The following TBC1D14 variants were observed in gnomAD, a reference collection of about 807,000 sequenced individuals.
TBC1D14 encodes the protein TBC1 domain family member 14.
Under a neutral mutation model 79.0 loss-of-function variants are expected in TBC1D14, and 26 were observed. The observed-to-expected ratio is 0.33, with a 90% CI of 0.24 to 0.46. The LOEUF is 0.46. Ranked by LOEUF, TBC1D14 falls within the 20% of genes least tolerant of loss-of-function variation. TBC1D14 has a pLI of 1.00. For synonymous variants in TBC1D14, 394 were observed against 349.9 expected (o/e 1.13, Z -1.40); for missense variants, 769 against 887.6 (o/e 0.87, Z 1.70).
chr4:6,987,521 A>G lies in TBC1D14; in HGVS notation c.844-6663A>G, dbSNP rs1560311971. ...AGCATCACGTGTATCTGTCCTCAAC[A>G]GCCGAAGCTTGCTGTGCATGCTGCT... On this transcript the variant is annotated intron_variant, in intron 3 of 13. Transcript: ENST00000409757. The G allele has an allele frequency of 2.7e-5, 14 of 525,518 alleles. No homozygotes were observed. In the East Asian group the frequency reaches 3.9e-4, roughly 15 times the overall value. 32.6% of individuals were successfully genotyped at this position (525,518 alleles called of 1,614,324 possible).
chr4:6,924,246 C>T (rs1023760538), intron 2 of TBC1D14, 135 bp downstream of exon 2: 38 of 1,235,636 alleles, frequency 3.1e-5, no homozygotes, highest in Non-Finnish European at 3.9e-5. Context: ...TGGGTCTTTT[C>T]CCAGAAGCCC....
intron 2 of TBC1D14, among the ~76,000 whole-genome samples, chr4:6,941,193 T>C: frequency 6.8e-6 from 1 of 147,124 alleles, no homozygotes; most frequent in African/African-American, 2.6e-5. Context: ...TTTTTTTTTT[T>C]TTTTTTTTTT....
intron 2 of TBC1D14, among the ~76,000 whole-genome samples, chr4:6,939,983 C>G (rs912946575): frequency 1.3e-5 from 2 of 152,234 alleles, no homozygotes; most frequent in Non-Finnish European, 2.9e-5. Flanking sequence ...AAATGGGCAC[C>G]AGCGGCCTGT....
chr4:7,001,544 C>T (rs118116451), intron 7 of TBC1D14: 2 of 334,268 alleles, frequency 6.0e-6, no homozygotes, highest in Non-Finnish European at 1.1e-5. Context: ...CCTAGGAAGG[C>T]AAGCCTTGCC....
At chr4:6,996,525 A>T in intron 5 of TBC1D14, 118 bp downstream of exon 5, 3 of 729,018 alleles carry the variant, frequency 4.1e-6, no homozygotes, top group Non-Finnish European at 6.7e-6. Flanking sequence ...TGAAATTTGT[A>T]GTCTTCCAGT....
At chr4:7,021,768 C>T (rs748967179) in intron 12 of TBC1D14, among the ~76,000 whole-genome samples, 1 of 151,932 alleles carries the variant, frequency 6.6e-6, no homozygotes, top group Admixed American at 6.6e-5. Context: ...AAAACGTAAA[C>T]ATCTTTTGGG....
At chr4:7,008,601 C>T (rs374566188) in intron 9 of TBC1D14, among the ~76,000 whole-genome samples, 3 of 152,116 alleles carry the variant, frequency 2.0e-5, no homozygotes, top group African/African-American at 7.2e-5. Context: ...TAGGGAGAGA[C>T]GGGTTTTCAC....
intron 1 of TBC1D14, among the ~76,000 whole-genome samples, chr4:6,916,680 C>T (rs1319827683): frequency 6.6e-6 from 1 of 152,184 alleles, no homozygotes; most frequent in African/African-American, 2.4e-5. Context: ...TTGCTTCCTG[C>T]AGAACTGAGT....
intron 12 of TBC1D14, among the ~76,000 whole-genome samples, chr4:7,022,779 A>G (rs994283940): frequency 6.6e-6 from 1 of 152,098 alleles, no homozygotes; most frequent in African/African-American, 2.4e-5. Flanking sequence ...TTACCTGTCT[A>G]GAGTAACTTA....
intron 3 of TBC1D14, among the ~76,000 whole-genome samples, chr4:6,974,290 C>T (rs1027156046): frequency 6.6e-6 from 1 of 152,110 alleles, no homozygotes; most frequent in African/African-American, 2.4e-5. Context: ...GTGAACCCCC[C>T]GATGCTTTAT....
intron 3 of TBC1D14, among the ~76,000 whole-genome samples, chr4:6,988,480 C>G (rs1201542143): frequency 6.6e-6 from 1 of 152,214 alleles, no homozygotes; most frequent in Non-Finnish European, 1.5e-5. Flanking sequence ...TGTCCCCCAG[C>G]GCTTCCCTGG....
intron 6 of TBC1D14, among the ~76,000 whole-genome samples, chr4:6,999,408 C>G (rs187409424): frequency 6.6e-6 from 1 of 152,086 alleles, no homozygotes; most frequent in African/African-American, 2.4e-5. Context: ...TTCCAGTTCA[C>G]CTTCTTCTCA....
intron 1 of TBC1D14, chr4:6,910,193 C>T (rs1228436918): frequency 6.6e-6 from 1 of 151,620 alleles, no homozygotes; most frequent in Non-Finnish European, 1.5e-5. Context: ...ACTCTCGGGA[C>T]TCGGCGGCCC....
intron 12 of TBC1D14, among the ~76,000 whole-genome samples, chr4:7,019,033 T>C (rs772084460): frequency 2.7e-4 from 41 of 152,136 alleles, no homozygotes; most frequent in Non-Finnish European, 4.9e-4. Flanking sequence ...TTTGTTGTTG[T>C]TGTTGTTGAG....
At position 7,010,699 on chromosome 4, in the gene TBC1D14, A is replaced by T; in HGVS notation, c.1565A>T (p.Asp522Val). The T allele has an allele frequency of 6.2e-7, 1 of 1,613,896 alleles. No individual in the cohort carries two copies. The highest frequency in any genetic ancestry group is 8.5e-7 in the Non-Finnish European group (1 of 1,179,964). The change falls in exon 11 of 14, where the codon GAT becomes GTT. Residue 522 changes from aspartate to valine, a missense_variant. This residue lies in a region of TBC1D14 where 367 missense variants were observed against 494.4 expected (regional missense o/e 0.74). Transcript: ENST00000409757. ...FIAAVLILNL[D>V]TADAFIAFSN... ...GCAGCAGTGTTGATCTTGAACTTAG[A>T]TACTGCAGATGCCTTTATTGCCTTT...
chr4:7,031,828 T>C lies in TBC1D14; in HGVS notation c.*1436T>C, dbSNP rs1334858546. ...GCCCCCAGGCTGATCTCATTTCTGA[T>C]GTTGAGGGCTGTTTGGCTCTGTCTG... On this transcript the variant is annotated 3_prime_UTR_variant, in exon 14 of 14. Transcript: ENST00000409757. The C allele has an allele frequency of 6.6e-6, 1 of 152,286 alleles. No individual in the cohort carries two copies. The highest frequency in any genetic ancestry group is 1.5e-5 in the Non-Finnish European group (1 of 68,130). 9.4% of individuals were successfully genotyped at this position (152,286 alleles called of 1,614,324 possible).
chr4:7,003,831 A>C (rs1292346202), intron 7 of TBC1D14, among the ~76,000 whole-genome samples: 1 of 151,726 alleles, frequency 6.6e-6, no homozygotes, highest in Non-Finnish European at 1.5e-5. Flanking sequence ...GCCAAATCCC[A>C]TCTCTACTAA....
chr4:7,010,825 A>G (rs1286767271), intron 11 of TBC1D14, 44 bp downstream of exon 11: 12 of 1,587,938 alleles, frequency 7.6e-6, no homozygotes, highest in Non-Finnish European at 1.0e-5. Context: ...GTGTCTTTAA[A>G]TGTCAAGAGT....
At chr4:6,921,247 C>G (rs1370006801) in intron 1 of TBC1D14, among the ~76,000 whole-genome samples, 1 of 152,020 alleles carries the variant, frequency 6.6e-6, no homozygotes, top group African/African-American at 2.4e-5. Flanking sequence ...TTCTGTCATT[C>G]AGGCTGGAGT....
Sources: gnomAD v4.1 joint callset for allele counts (sites outside exome capture counted in the v4.1 genomes callset) on GRCh38, gnomAD v4.1.1 for gene constraint, gnomAD v4.1.1 regional missense constraint, MANE v1.5 for transcripts, NCBI Gene and HGNC (gene_info 2026-07-23, HGNC 2026-07-21) for gene names.